Variants in CEP170 observed in about 807,000 individuals in gnomAD.
CEP170 encodes the protein centrosomal protein 170, also known as centrosomal protein of 170 kDa.
CEP170 carries 21 observed loss-of-function variants against 151.9 expected under a neutral mutation model. The observed-to-expected ratio is 0.14, with a 90% CI of 0.10 to 0.20. The LOEUF (loss-of-function observed/expected upper bound fraction) is 0.20, where lower values mean the gene tolerates loss of function less well. Among genes scored for constraint, CEP170 ranks in the 10% least tolerant of loss-of-function variants. CEP170 has a pLI of 1.00. For synonymous variants in CEP170, 356 were observed against 648.8 expected, an observed-to-expected ratio of 0.55 and a Z score of 6.86; for missense variants, 964 against 1,892.9, an observed-to-expected ratio of 0.51 and a Z score of 9.11.
chr1:243,174,071 G>GATT (rs371169792), intron 10 of CEP170, among the ~76,000 whole-genome samples: 6,875 of 152,162 alleles, frequency 0.045, 309 homozygotes, highest in African/African-American at 0.12. Context: ...GCCTATTTAA[G>GATT]ATTAATTGTT....
In CEP170 at chr1:243,124,435, C is replaced by T. The variant is rs2787279; in HGVS notation, c.*2014G>A. 3 of 152,416 alleles carry T rather than the reference C, an allele frequency of 2.0e-5. 1 individual carries two copies. Among genetic ancestry groups the T allele is most frequent in the African/African-American group, 7.2e-5 (3 of 41,388 alleles). 9.4% of individuals were successfully genotyped at this position (152,416 alleles called of 1,614,324 possible). On this transcript the variant is annotated 3_prime_UTR_variant, in exon 20 of 20. Coordinates refer to ENST00000366542, the MANE Select transcript of CEP170 (RefSeq NM_014812.3). ...AAATATACAATCATTGTATAAAGTT[C>T]CAGAAACACTTTATTTAAAAATGGA...
rs1272031250 is a variant in CEP170 at position 243,124,871 on chromosome 1, T to C, written c.*1578A>G. ...AATTTAGCTTTACAAGGAGAATAGT[T>C]CATTTACCTTTTTTTTTTTGTATTT... On this transcript the variant is annotated 3_prime_UTR_variant, in exon 20 of 20. Transcript: ENST00000366542. 1 of 151,086 alleles carries C rather than the reference T, an allele frequency of 6.6e-6. No homozygotes were observed. The highest frequency in any genetic ancestry group is 2.0e-4 in the East Asian group (1 of 5,040). The allele number at this position is 151,086 out of a possible 1,614,324, so 9.4% of individuals were successfully genotyped here.
At chr1:243,139,896 A>G in intron 16 of CEP170, 41 bp downstream of exon 16, 1 of 1,595,786 alleles carries the variant, frequency 6.3e-7, no homozygotes, top group Non-Finnish European at 8.6e-7. Context: ...CTTATGGAAT[A>G]TGCTGCTTCT....
intron 13 of CEP170, among the ~76,000 whole-genome samples, chr1:243,159,763 T>TTGTGTG (rs565534328): frequency 0.1 from 12,664 of 127,096 alleles, 714 homozygotes; most frequent in South Asian, 0.13. Flanking sequence ...GTTTCCGGTT[T>TTGTGTG]TGTGTGTGTG....
chr1:243,156,254 C>G lies in CEP170; in HGVS notation c.3878G>C (p.Arg1293Pro). The change falls in exon 14 of 20, where the codon CGA (arginine) becomes CCA (proline). Residue 1293 changes from arginine to proline, a missense_variant. Coordinates refer to ENST00000366542, the MANE Select transcript of CEP170 (RefSeq NM_014812.3). ...HRIKEQEDYI[R>P]DWTAHREEIA... ...CTCTTCTCGATGAGCAGTCCAATCT[C>G]GGATGTAGTCTTCCTGCTCTTTAAT... 6.3e-7 allele frequency: 1 copy of G among 1,589,038 alleles called. No individual in the cohort carries two copies. The highest frequency in any genetic ancestry group is 8.6e-7 in the Non-Finnish European group (1 of 1,168,118).
At position 243,159,239 on chromosome 1, in the gene CEP170, T is replaced by C. The variant is rs1572338956; in HGVS notation, c.3677-2784A>G. Among the ~76,000 whole-genome samples the C allele has an allele frequency of 2.0e-5, 3 of 152,160 alleles. No individual in the cohort carries two copies. The East Asian group carries it at 5.8e-4, about 29-fold the overall frequency. On this transcript the variant is annotated intron_variant, in intron 13 of 19. Transcript: ENST00000366542. ...ATCATTAAGTAATTAAGAGCTCCCT[T>C]TGCCAGTGGAAAACATATCACACAT...
At position 243,166,125 on chromosome 1, in the gene CEP170, T is replaced by C. The variant is rs182393674; in HGVS notation, c.1844-9A>G. ...CTCACTGATCTCTGTCTCTATGAAA[T>C]AAAAACCACAAAGAAGGAATTGATT... On this transcript the variant is annotated splice_polypyrimidine_tract_variant and intron_variant, in intron 12 of 19. Coordinates refer to ENST00000366542, the MANE Select transcript of CEP170 (RefSeq NM_014812.3). The C allele has an allele frequency of 5.6e-6, 9 of 1,612,068 alleles. No homozygotes were observed. In the East Asian group the frequency reaches 2.0e-4, roughly 36 times the overall value.
intron 14 of CEP170, among the ~76,000 whole-genome samples, chr1:243,146,893 T>TC (rs1489158513): frequency 6.9e-6 from 1 of 144,950 alleles, no homozygotes; most frequent in Non-Finnish European, 1.5e-5. Flanking sequence ...TTCTAGATGT[T>TC]CCCTAACCAG....
At chr1:243,226,046 TATATATATCTAG>T (rs1320392082) in intron 1 of CEP170, among the ~76,000 whole-genome samples, 2 of 24,390 alleles carry the variant, frequency 8.2e-5, no homozygotes, top group Non-Finnish European at 2.9e-4. Flanking sequence ...TATCTCTAGA[TATATATATCTAG>T]ATATATATAT....
chr1:243,177,632 T>C (rs1318172142), intron 10 of CEP170, among the ~76,000 whole-genome samples: 2 of 152,252 alleles, frequency 1.3e-5, no homozygotes, highest in African/African-American at 4.8e-5. Context: ...TTAAGAATTA[T>C]GCAGAATTCT....
intron 1 of CEP170, among the ~76,000 whole-genome samples, chr1:243,234,753 T>C (rs1386298729): frequency 1.3e-5 from 2 of 152,164 alleles, no homozygotes; most frequent in Non-Finnish European, 2.9e-5. Context: ...AAGAAATAAT[T>C]AGGGGTGGCA....
chr1:243,251,017 G>A (rs2065888278), intron 1 of CEP170, among the ~76,000 whole-genome samples: 2 of 152,132 alleles, frequency 1.3e-5, no homozygotes, highest in Non-Finnish European at 2.9e-5. Context: ...ATATGAAGTT[G>A]GAGGTGTCCT....
Position 243,212,573 on chromosome 1 carries a change from CATCAATT to C in CEP170, c.196-616_196-610del, listed in dbSNP as rs1391024923. Among the ~76,000 whole-genome samples the C allele has an allele frequency of 2.0e-5, 3 of 152,094 alleles. No individual in the cohort carries two copies. In the South Asian group the frequency reaches 6.2e-4, roughly 32 times the overall value. ...TCCTAGCAACTATTTAATATTTACT[CATCAATT>C]ATTCCAAACAACGCTAAAAGTGATC... On this transcript the variant is annotated intron_variant, in intron 3 of 19. Transcript: ENST00000366542.
At chr1:243,253,517 CA>C in intron 1 of CEP170, among the ~76,000 whole-genome samples, 1 of 152,246 alleles carries the variant, frequency 6.6e-6, no homozygotes, top group South Asian at 2.1e-4. Flanking sequence ...GTGTTATCTA[CA>C]AAGTTAGGAA....
At chr1:243,144,378 CTA>C (rs2056222482) in intron 14 of CEP170, among the ~76,000 whole-genome samples, 1 of 152,162 alleles carries the variant, frequency 6.6e-6, no homozygotes, top group Non-Finnish European at 1.5e-5. Context: ...GATCTTTTCA[CTA>C]TGTCATGCTA....
intron 1 of CEP170, among the ~76,000 whole-genome samples, chr1:243,245,483 A>G (rs904317253): frequency 1.3e-5 from 2 of 152,178 alleles, no homozygotes; most frequent in African/African-American, 4.8e-5. Context: ...TGGGAGGCCA[A>G]GGTGAGCGGA....
At chr1:243,139,380 T>C (rs555685691) in intron 16 of CEP170, among the ~76,000 whole-genome samples, 1 of 152,310 alleles carries the variant, frequency 6.6e-6, no homozygotes, top group African/African-American at 2.4e-5. Context: ...TGAAATGTTG[T>C]TCACGTCTTT....
chr1:243,140,703 A>G (rs1195486562), intron 15 of CEP170: 3 of 152,246 alleles, frequency 2.0e-5, no homozygotes, highest in Non-Finnish European at 4.4e-5. Context: ...AGTGCAAATC[A>G]CAGACATACA....
chr1:243,227,876 T>C (rs1055450369), intron 1 of CEP170, among the ~76,000 whole-genome samples: 1 of 152,220 alleles, frequency 6.6e-6, no homozygotes, highest in Non-Finnish European at 1.5e-5. Flanking sequence ...TGGGGCTTGG[T>C]CATTAAGGGA....
Sources: gnomAD v4.1 joint callset for allele counts (sites outside exome capture counted in the v4.1 genomes callset) on GRCh38, gnomAD v4.1.1 for gene constraint, MANE v1.5 for transcripts, NCBI Gene and HGNC (gene_info 2026-07-23, HGNC 2026-07-21) for gene names.